Variants in MYO3A observed in about 807,000 individuals in gnomAD.
MYO3A encodes the protein myosin-IIIa.
In MYO3A, 180 loss-of-function variants were observed where a neutral mutation model predicts 192.7. The ratio of observed to expected loss-of-function variants is 0.93; its 90% CI spans 0.83 to 1.06. The LOEUF is 1.06. Ranked by LOEUF, MYO3A falls within the 50% of genes least tolerant of loss-of-function variation. The probability of loss-of-function intolerance (pLI) is 0.00; values close to 1 mark genes in which losing one functional copy is unlikely to be tolerated. For missense variants in MYO3A, 1,896 were observed against 1,905.0 expected, an observed-to-expected ratio of 1.00 and a Z score of 0.09; for synonymous variants, 628 against 645.3, an observed-to-expected ratio of 0.97 and a Z score of 0.41.
At chr10:26,032,366 C>T (rs1452558774) in intron 10 of MYO3A, among the ~76,000 whole-genome samples, 4 of 152,184 alleles carry the variant, frequency 2.6e-5, no homozygotes, top group Non-Finnish European at 1.5e-5. Flanking sequence ...CCTGTAATCC[C>T]AGCACTTTGG....
intron 10 of MYO3A, among the ~76,000 whole-genome samples, chr10:26,043,349 C>T (rs1843461436): frequency 6.8e-6 from 1 of 146,498 alleles, no homozygotes; most frequent in Non-Finnish European, 1.5e-5. Context: ...TGGAGTTCTA[C>T]AATCAGCAGG....
chr10:25,986,089 A>C (rs1241688404), intron 4 of MYO3A, among the ~76,000 whole-genome samples: 8 of 152,226 alleles, frequency 5.3e-5, no homozygotes, highest in Admixed American at 5.2e-4. Context: ...ACATAAACAG[A>C]ATTAAAAATA....
chr10:26,102,338 A>G (rs954994742), intron 17 of MYO3A, among the ~76,000 whole-genome samples: 5 of 152,074 alleles, frequency 3.3e-5, no homozygotes, highest in African/African-American at 1.2e-4. Flanking sequence ...TGCAGTTCAA[A>G]CATCCTCCTT....
intron 6 of MYO3A, among the ~76,000 whole-genome samples, chr10:26,004,670 A>G (rs1247129316): frequency 1.3e-5 from 2 of 152,090 alleles, no homozygotes; most frequent in Non-Finnish European, 2.9e-5. Context: ...CCAAATAAGG[A>G]AATACTCAAA....
At chr10:26,073,908 A>G (rs1835369950) in intron 14 of MYO3A, among the ~76,000 whole-genome samples, 1 of 152,094 alleles carries the variant, frequency 6.6e-6, no homozygotes, top group Non-Finnish European at 1.5e-5. Context: ...GATGGGGATT[A>G]CATGATGGCA....
intron 2 of MYO3A, among the ~76,000 whole-genome samples, chr10:25,942,006 CTTTTTTTT>C (rs151243879): frequency 1.6e-3 from 219 of 139,210 alleles, no homozygotes; most frequent in African/African-American, 5.5e-3. Flanking sequence ...TTTCTTTTTT[CTTTTTTTT>C]TTTTTTAGAT....
intron 14 of MYO3A, among the ~76,000 whole-genome samples, chr10:26,074,584 T>TAC (rs1835412764): frequency 6.8e-6 from 1 of 147,704 alleles, no homozygotes; most frequent in South Asian, 2.1e-4. Flanking sequence ...TTTATATATA[T>TAC]ATAAAATATA....
intron 14 of MYO3A, among the ~76,000 whole-genome samples, chr10:26,084,415 G>A (rs969237470): frequency 6.6e-6 from 1 of 152,166 alleles, no homozygotes; most frequent in Non-Finnish European, 1.5e-5. Context: ...TTCTTGTGAT[G>A]CCTTTATCTG....
chr10:26,088,017 A>G (rs1415788955), intron 14 of MYO3A, among the ~76,000 whole-genome samples, 186 bp from the exon 15 acceptor site: 3 of 152,216 alleles, frequency 2.0e-5, no homozygotes, highest in Admixed American at 2.0e-4. Flanking sequence ...CTTTTTAAGA[A>G]AACAAGTGAG....
intron 10 of MYO3A, among the ~76,000 whole-genome samples, chr10:26,038,616 G>A (rs72793948): frequency 0.17 from 25,382 of 151,928 alleles, 2,399 homozygotes; most frequent in Non-Finnish European, 0.21. Context: ...CAAGTATACC[G>A]TCATATCCTC....
chr10:26,032,321 G>A, intron 10 of MYO3A, among the ~76,000 whole-genome samples: 1 of 152,118 alleles, frequency 6.6e-6, no homozygotes, highest in Non-Finnish European at 1.5e-5. Flanking sequence ...CATCCAATCA[G>A]TGTTAAAAGT....
chr10:25,993,936 T>C (rs1422087891), intron 4 of MYO3A, among the ~76,000 whole-genome samples: 2 of 152,228 alleles, frequency 1.3e-5, no homozygotes, highest in African/African-American at 2.4e-5. Context: ...CTTCCAACTA[T>C]GTGGTCAGTT....
chr10:26,081,133 T>TCCCCCCCCCTTCCCCCCCCCCC (rs1835907338), intron 14 of MYO3A, among the ~76,000 whole-genome samples: 35 of 84,934 alleles, frequency 4.1e-4, no homozygotes, highest in African/African-American at 1.4e-3. Context: ...TATATGCCCT[T>TCCCCCCCCCTTCCCCCCCCCCC]CCCCCCCCCC....
At chr10:26,162,934 T>C (rs1454423639) in intron 26 of MYO3A, among the ~76,000 whole-genome samples, 1 of 152,220 alleles carries the variant, frequency 6.6e-6, no homozygotes, top group Non-Finnish European at 1.5e-5. Flanking sequence ...GTTTTTAGAA[T>C]ATTGAAAAAG....
At chr10:26,036,027 G>A (rs1006718508) in intron 10 of MYO3A, among the ~76,000 whole-genome samples, 15 of 151,884 alleles carry the variant, frequency 9.9e-5, no homozygotes, top group South Asian at 8.3e-4. Flanking sequence ...TCTGCCTCCC[G>A]GGTTCACACC....
intron 6 of MYO3A, among the ~76,000 whole-genome samples, chr10:26,008,921 A>G (rs1437733725): frequency 4.0e-5 from 6 of 151,682 alleles, no homozygotes; most frequent in Non-Finnish European, 8.8e-5. Context: ...ATAAAGACAC[A>G]TGCACACGTA....
chr10:25,981,093 C>G (rs962585521), intron 4 of MYO3A, among the ~76,000 whole-genome samples: 1 of 152,118 alleles, frequency 6.6e-6, no homozygotes, highest in Non-Finnish European at 1.5e-5. Flanking sequence ...TGGAATCACA[C>G]AGTATGTAGC....
chr10:26,063,463 G>A (rs1208283289), intron 10 of MYO3A, among the ~76,000 whole-genome samples: 2 of 152,096 alleles, frequency 1.3e-5, no homozygotes, highest in Admixed American at 1.3e-4. Flanking sequence ...TTTATTTTGA[G>A]TTAATATTTG....
intron 10 of MYO3A, among the ~76,000 whole-genome samples, chr10:26,055,993 G>A (rs1270861657): frequency 6.6e-6 from 1 of 152,158 alleles, no homozygotes; most frequent in Non-Finnish European, 1.5e-5. Flanking sequence ...AAGAAACAGA[G>A]CAAGCATCAG....
Sources: allele counts gnomAD v4.1 joint callset (sites outside exome capture counted in the v4.1 genomes callset), GRCh38; gene constraint gnomAD v4.1.1; transcripts MANE v1.5; gene names NCBI Gene and HGNC (gene_info 2026-07-23, HGNC 2026-07-21).